The following ARHGEF7 variants were observed in gnomAD, a reference collection of about 807,000 sequenced individuals.
ARHGEF7 encodes the protein Rho guanine nucleotide exchange factor 7, also known as PAK-interacting exchange factor beta.
ARHGEF7 carries 33 observed loss-of-function variants against 109.8 expected under a neutral mutation model. That is an observed-to-expected ratio of 0.30 (90% CI 0.23 to 0.40). The LOEUF (loss-of-function observed/expected upper bound fraction) is 0.40. ARHGEF7 is among the 10% of genes least tolerant of loss of function. The pLI is 1.00. For missense variants in ARHGEF7, 938 were observed against 1,098.5 expected (o/e 0.85, Z 2.07); for synonymous variants, 458 against 424.6 (o/e 1.08, Z -0.97).
Position 111,210,078 on chromosome 13 carries a change from C to T in ARHGEF7, c.468+76C>T, listed in dbSNP as rs150307792. 4.7e-4 allele frequency: 743 copies of T among 1,568,960 alleles called. 1 individual carries two copies. The highest frequency in any genetic ancestry group is 6.2e-4 in the Non-Finnish European group (711 of 1,145,598). On this transcript the variant is annotated intron_variant, in intron 4 of 21. Coordinates refer to ENST00000646102, the MANE Select transcript of ARHGEF7 (RefSeq NM_001354046.2). ...GTGTATGGATATATCTGAGAAGATACGTATGCCTCCATTAATGGTGTTAAA... is the reference window on the plus strand; with the variant it reads ...GTGTATGGATATATCTGAGAAGATATGTATGCCTCCATTAATGGTGTTAAA...
intron 6 of ARHGEF7, among the ~76,000 whole-genome samples, chr13:111,237,636 C>G (rs2087014001): frequency 6.6e-6 from 1 of 152,072 alleles, no homozygotes; most frequent in Admixed American, 6.5e-5. Flanking sequence ...TTGCAAGCAA[C>G]CCAAAATAAA....
chr13:111,207,242 C>T (rs927914538), intron 3 of ARHGEF7, among the ~76,000 whole-genome samples: 2 of 152,136 alleles, frequency 1.3e-5, no homozygotes, highest in Non-Finnish European at 1.5e-5. Flanking sequence ...GATCTCAGCT[C>T]ACTGAAGCCT....
intron 1 of ARHGEF7, among the ~76,000 whole-genome samples, chr13:111,139,964 T>C (rs985520577): frequency 1.2e-3 from 178 of 152,252 alleles, no homozygotes; most frequent in African/African-American, 4.1e-3. Context: ...TCACTTTGTC[T>C]ACAGTGATCA....
chr13:111,116,065 C>T (rs1018355099), intron 1 of ARHGEF7, among the ~76,000 whole-genome samples: 7 of 152,206 alleles, frequency 4.6e-5, no homozygotes, highest in Admixed American at 4.6e-4. Context: ...CGTTCCGACG[C>T]GGTGCGGCTC....
In ARHGEF7 at chr13:111,243,873, T is replaced by C. The variant is rs144141649; in HGVS notation, c.761T>C (p.Val254Ala). The change falls in exon 7 of 22, where the codon GTG (valine) becomes GCG (alanine). Residue 254 changes from valine to alanine, a missense_variant and splice_region_variant. Around this residue, in one of 4 missense-constraint regions of ARHGEF7, gnomAD observed 585 missense variants for 723.6 expected, o/e 0.81. Transcript: ENST00000646102. Reference protein sequence around the residue: ...TAINKSYYNVVLQNILETENE... With the variant: ...TAINKSYYNVALQNILETENE... ...ACACTTATTCATCATTTATTATAGG[T>C]GCTACAGAATATTTTAGAAACAGAA... The C allele has an allele frequency of 9.5e-6, 15 of 1,582,662 alleles. No homozygotes were observed. The highest frequency in any genetic ancestry group is 4.0e-5 in the African/African-American group (3 of 74,230).
Position 111,239,566 on chromosome 13 carries a change from C to T in ARHGEF7, c.760-4306C>T, listed in dbSNP as rs1018300524. Among the ~76,000 whole-genome samples the T allele has an allele frequency of 6.6e-6, 1 of 152,132 alleles. No homozygotes were observed. The highest frequency in any genetic ancestry group is 6.5e-5 in the Admixed American group (1 of 15,272). ...TCTTCATCTTCTGCTTTGCCCTTGG[C>T]TTTTCTCCACCTCAATGAAGATTTC... is the stretch of plus-strand genomic sequence containing the variant. On this transcript the variant is annotated intron_variant, in intron 6 of 21. Coordinates refer to ENST00000646102, the MANE Select transcript of ARHGEF7 (RefSeq NM_001354046.2). This position sits in a 1 kb window ranked among gnomAD's most constrained non-coding sequence, Gnocchi z 4.3.
intron 8 of ARHGEF7, among the ~76,000 whole-genome samples, chr13:111,245,829 A>T (rs2088737249): frequency 6.6e-6 from 1 of 152,254 alleles, no homozygotes; most frequent in African/African-American, 2.4e-5. Flanking sequence ...ATAAACAGCA[A>T]GTAATAAGTC....
chr13:111,115,453 G>C lies in ARHGEF7; in HGVS notation c.-74G>C. 2.0e-6 allele frequency: 2 copies of C among 985,132 alleles called. No homozygotes were observed. The highest frequency in any genetic ancestry group is 2.4e-6 in the Non-Finnish European group (2 of 829,766). 61.0% of individuals were successfully genotyped at this position (985,132 alleles called of 1,614,324 possible). A position where few individuals can be genotyped will look rare whatever the true frequency, so the allele number is the denominator to read the frequency against. On this transcript the variant is annotated 5_prime_UTR_variant, in exon 1 of 22. Transcript: ENST00000646102. ...TGGGCGAGGCGGCGGCGGCGGCGGC[G>C]GGGGCCGCGGGCCGGGCCGCCGCTC...
chr13:111,261,116 A>C (rs957323502), intron 8 of ARHGEF7, among the ~76,000 whole-genome samples: 1 of 152,202 alleles, frequency 6.6e-6, no homozygotes, highest in Non-Finnish European at 1.5e-5. Flanking sequence ...ACAAAATGGC[A>C]AGAGTAAGTC....
chr13:111,294,098 G>A, intron 19 of ARHGEF7: 1 of 985,448 alleles, frequency 1.0e-6, no homozygotes, highest in African/African-American at 1.7e-5. Flanking sequence ...TTGAGGAGCA[G>A]TCAGAGCCCA....
At chr13:111,264,887 T>C (rs1023454672) in intron 8 of ARHGEF7, among the ~76,000 whole-genome samples, 55 of 152,192 alleles carry the variant, frequency 3.6e-4, no homozygotes, top group African/African-American at 1.3e-3. Context: ...CATATTGCTA[T>C]GTTTTAGAAG....
At chr13:111,120,146 T>C (rs1488481806) in intron 1 of ARHGEF7, among the ~76,000 whole-genome samples, 1 of 152,232 alleles carries the variant, frequency 6.6e-6, no homozygotes, top group Non-Finnish European at 1.5e-5. Flanking sequence ...GACTTTATAG[T>C]CCTGTCTCAA....
chr13:111,270,582 T>G (rs531560454), intron 9 of ARHGEF7, among the ~76,000 whole-genome samples: 2 of 152,256 alleles, frequency 1.3e-5, no homozygotes, highest in African/African-American at 4.8e-5. Context: ...CTTCTGGGCT[T>G]TTTTTGAGGG....
chr13:111,177,086 G>A (rs535143142), intron 2 of ARHGEF7, among the ~76,000 whole-genome samples: 2 of 152,332 alleles, frequency 1.3e-5, no homozygotes, highest in Admixed American at 1.3e-4. Context: ...TAAGTGGTGT[G>A]TATTCTGTGC....
intron 4 of ARHGEF7, among the ~76,000 whole-genome samples, chr13:111,214,977 T>G (rs751182642): frequency 3.3e-5 from 5 of 152,192 alleles, no homozygotes; most frequent in Non-Finnish European, 7.3e-5. Flanking sequence ...TTTCAGTGAT[T>G]TATACATTCA....
In ARHGEF7 at chr13:111,140,320, A is replaced by G. The variant is rs559233268; in HGVS notation, c.166-13585A>G. Among the ~76,000 whole-genome samples the G allele has an allele frequency of 3.9e-5, 6 of 152,320 alleles. No individual in the cohort carries two copies. In the East Asian group the frequency reaches 7.7e-4, roughly 20 times the overall value. On this transcript the variant is annotated intron_variant, in intron 1 of 21. Transcript: ENST00000646102. The stretch of plus-strand genomic sequence containing the variant: ...CAATGAGACATTTCATTTACCAGTG[A>G]TATGTGTCATGGAGGAAAACAGCAG...
chr13:111,177,241 C>T (rs577956617), intron 2 of ARHGEF7, among the ~76,000 whole-genome samples: 5 of 152,286 alleles, frequency 3.3e-5, no homozygotes, highest in East Asian at 3.9e-4. Flanking sequence ...GCATTGTGGC[C>T]GGGGCTGAGG....
intron 2 of ARHGEF7, among the ~76,000 whole-genome samples, chr13:111,192,402 A>G (rs2079998089): frequency 6.6e-6 from 1 of 152,192 alleles, no homozygotes; most frequent in African/African-American, 2.4e-5. Flanking sequence ...TCCTTCAGGT[A>G]GGATTTTAAG....
chr13:111,205,141 A>AGACTGAGC, intron 2 of ARHGEF7, 148 bp from the exon 3 acceptor site: 4 of 585,592 alleles, frequency 6.8e-6, no homozygotes, highest in Non-Finnish European at 1.2e-5. Flanking sequence ...CAGGACTGAG[A>AGACTGAGC]GACTGAGCGT....
Sources: gnomAD v4.1 joint callset for allele counts (sites outside exome capture counted in the v4.1 genomes callset) on GRCh38, gnomAD v4.1.1 for gene constraint, gnomAD v4.1.1 regional missense constraint, Gnocchi (gnomAD v3.1) non-coding constraint, MANE v1.5 for transcripts, NCBI Gene and HGNC (gene_info 2026-07-23, HGNC 2026-07-21) for gene names.